UQCC2: variants seen among roughly 807,000 people sequenced by gnomAD.
UQCC2 encodes ubiquinol-cytochrome c reductase complex assembly factor 2, also known as breast cancer-associated protein SGA-81M.
UQCC2 carries 21 observed loss-of-function variants against 19.9 expected under a neutral mutation model. The ratio of observed to expected loss-of-function variants is 1.05; its 90% CI spans 0.75 to 1.52. The LOEUF (loss-of-function observed/expected upper bound fraction) is 1.52, where lower values mean the gene tolerates loss of function less well. Ranked by LOEUF, UQCC2 falls within the 40% of genes most tolerant of loss-of-function variation. The pLI is 0.00. For synonymous variants in UQCC2, 57 were observed against 60.9 expected (o/e 0.94, Z 0.30); for missense variants, 135 against 157.5 (o/e 0.86, Z 0.76).
At chr6:33,699,233 G>T (rs762474839) in intron 3 of UQCC2, among the ~76,000 whole-genome samples, 1 of 152,178 alleles carries the variant, frequency 6.6e-6, no homozygotes, top group Non-Finnish European at 1.5e-5. Flanking sequence ...CACACAATTT[G>T]CAACAAAAAT....
At chr6:33,709,278 GACAC>G (rs1352681328) in intron 1 of UQCC2, among the ~76,000 whole-genome samples, 1 of 152,110 alleles carries the variant, frequency 6.6e-6, no homozygotes, top group Non-Finnish European at 1.5e-5. Flanking sequence ...CACCACTCAG[GACAC>G]ACAAATATTC....
Position 33,697,278 on chromosome 6 carries a change from G to A in UQCC2, c.*375C>T, listed in dbSNP as rs1765574419. 1 of 186,378 alleles carries A rather than the reference G, an allele frequency of 5.4e-6. No homozygotes were observed. Among genetic ancestry groups the A allele is most frequent in the African/African-American group, 2.3e-5 (1 of 42,750 alleles). The allele number at this position is 186,378 out of a possible 1,614,324, so 11.5% of individuals were successfully genotyped here. ...TACTGCTATTTTTGGCTTCCTCCCA[G>A]GAGCTCCTACAACAAAAGGGAGCCT... On this transcript the variant is annotated 3_prime_UTR_variant, in exon 4 of 4. Transcript: ENST00000607484.
intron 1 of UQCC2, among the ~76,000 whole-genome samples, chr6:33,710,988 T>TTAGC (rs955341555): frequency 6.6e-5 from 10 of 152,140 alleles, no homozygotes; most frequent in African/African-American, 2.4e-4. Flanking sequence ...TAACTGGGGA[T>TTAGC]TAGCTCAGTC....
At chr6:33,698,094 C>T in intron 3 of UQCC2, 1 of 208,124 alleles carries the variant, frequency 4.8e-6, no homozygotes. Flanking sequence ...ACCCACAGAC[C>T]CAGATGCTTC....
chr6:33,701,374 C>G lies in UQCC2; in HGVS notation c.185G>C (p.Arg62Pro). Residue 62 changes from arginine (R) to proline (P), a missense_variant, in exon 2 of 4, where the codon CGA becomes CCA. Coordinates refer to ENST00000607484, the MANE Select transcript of UQCC2 (RefSeq NM_032340.4). ...ACDQMYESLARLHSNYYKHKY... is the reference protein window; with the variant it reads ...ACDQMYESLAPLHSNYYKHKY... ...GTGTTTGTAGTAGTTTGAATGGAGT[C>G]GCGCTAAGCTCTCGTACATCTGATC... The G allele has an allele frequency of 1.9e-6, 3 of 1,613,704 alleles. No homozygotes were observed. The highest frequency in any genetic ancestry group is 2.5e-6 in the Non-Finnish European group (3 of 1,179,840).
chr6:33,699,023 C>T (rs1265591303), intron 3 of UQCC2, among the ~76,000 whole-genome samples: 1 of 152,158 alleles, frequency 6.6e-6, no homozygotes, highest in East Asian at 1.9e-4. Context: ...TGGAGCTTTT[C>T]CAGAAGTCCA....
At chr6:33,702,277 G>A (rs1765649606) in intron 1 of UQCC2, among the ~76,000 whole-genome samples, 1 of 152,036 alleles carries the variant, frequency 6.6e-6, no homozygotes, top group South Asian at 2.1e-4. Flanking sequence ...CAGAGTGTTG[G>A]GGTTACAGGC....
Position 33,700,511 on chromosome 6 carries a change from G to T in UQCC2, c.216C>A (p.Tyr72Ter). 1 of 1,614,148 alleles carries T rather than the reference G, an allele frequency of 6.2e-7. No individual in the cohort carries two copies. The highest frequency in any genetic ancestry group is 8.5e-7 in the Non-Finnish European group (1 of 1,180,014). ...RLHSNYYKHK[Y>*]PRPRDTSFSG... ...TGAAGCTGGTGTCTCTGGGGCGAGG[G>T]TACTGGTCACCGGGGCAGAAAGGAA... Residue 72 changes from tyrosine to a stop codon, truncating the protein, a stop_gained and splice_region_variant, in exon 3 of 4, where the codon TAC (tyrosine) becomes TAA (stop). Coordinates refer to ENST00000607484, the MANE Select transcript of UQCC2 (RefSeq NM_032340.4). LOFTEE classifies it high-confidence loss of function.
At chr6:33,708,937 C>T (rs1765732915) in intron 1 of UQCC2, among the ~76,000 whole-genome samples, 1 of 152,232 alleles carries the variant, frequency 6.6e-6, no homozygotes, top group Admixed American at 6.5e-5. Context: ...CACTGGTTCA[C>T]TCTACCAGGA....
intron 1 of UQCC2, 77 bp downstream of exon 1, chr6:33,711,472 C>T: frequency 2.0e-6 from 3 of 1,503,278 alleles, no homozygotes; most frequent in Non-Finnish European, 2.7e-6. Context: ...CGCAGATCCC[C>T]CTGCTAGCGC....
chr6:33,705,684 C>T (rs549572457), intron 1 of UQCC2, among the ~76,000 whole-genome samples: 1 of 152,244 alleles, frequency 6.6e-6, no homozygotes, highest in Non-Finnish European at 1.5e-5. Flanking sequence ...TGTCGAATTC[C>T]AGAAGCCTCA....
intron 1 of UQCC2, among the ~76,000 whole-genome samples, chr6:33,710,693 A>G (rs1765756184): frequency 6.6e-6 from 1 of 152,216 alleles, no homozygotes; most frequent in African/African-American, 2.4e-5. Flanking sequence ...ACGTACACTT[A>G]CCTGCTTATT....
rs1385500257 is a variant in UQCC2 at position 33,697,630 on chromosome 6, T to C, written c.*23A>G. 16 of 1,567,316 alleles carry C rather than the reference T, an allele frequency of 1.0e-5. No homozygotes were observed. The highest frequency in any genetic ancestry group is 2.2e-5 in the East Asian group (1 of 44,638). On this transcript the variant is annotated 3_prime_UTR_variant, in exon 4 of 4. Coordinates refer to ENST00000607484, the MANE Select transcript of UQCC2 (RefSeq NM_032340.4). ...ATGTACAAGACTCCACACCTAGGTA[T>C]GTGCACGAGGTAAGGCCTGAGCTCA...
At chr6:33,702,655 T>C in intron 1 of UQCC2, among the ~76,000 whole-genome samples, 1 of 152,246 alleles carries the variant, frequency 6.6e-6, no homozygotes, top group East Asian at 1.9e-4. Flanking sequence ...ACTTTCCCTT[T>C]ACTCTGTCCT....
chr6:33,711,410 G>GT (rs1765769001), intron 1 of UQCC2, 139 bp downstream of exon 1: 18 of 1,271,162 alleles, frequency 1.4e-5, no homozygotes, highest in Non-Finnish European at 1.9e-5. Context: ...GCTCCCTGGG[G>GT]GAAAAAGGGG....
At chr6:33,709,883 C>T (rs528949632) in intron 1 of UQCC2, among the ~76,000 whole-genome samples, 10 of 152,284 alleles carry the variant, frequency 6.6e-5, no homozygotes, top group South Asian at 4.2e-4. Flanking sequence ...GTCTCTTGCC[C>T]GAGCCCCAGG....
chr6:33,708,298 G>A (rs559545424), intron 1 of UQCC2, among the ~76,000 whole-genome samples: 2 of 152,350 alleles, frequency 1.3e-5, no homozygotes, highest in African/African-American at 2.4e-5. Flanking sequence ...GCTGAGGAAA[G>A]GCCAGGCACC....
At chr6:33,704,756 C>T (rs1765679912) in intron 1 of UQCC2, among the ~76,000 whole-genome samples, 1 of 152,166 alleles carries the variant, frequency 6.6e-6, no homozygotes, top group Admixed American at 6.5e-5. Context: ...AGATCCCCAC[C>T]CTCAAATACC....
At chr6:33,703,977 C>T (rs565975027) in intron 1 of UQCC2, among the ~76,000 whole-genome samples, 2 of 152,192 alleles carry the variant, frequency 1.3e-5, no homozygotes, top group South Asian at 4.1e-4. Context: ...CTTTGTCTTT[C>T]ATGCACTGAA....
Sources: allele counts gnomAD v4.1 joint callset (sites outside exome capture counted in the v4.1 genomes callset), GRCh38; gene constraint gnomAD v4.1.1; transcripts MANE v1.5; gene names NCBI Gene and HGNC (gene_info 2026-07-23, HGNC 2026-07-21).